AGBL4: variants seen among roughly 807,000 people sequenced by gnomAD.
AGBL4 encodes cytosolic carboxypeptidase 6.
A neutral mutation model predicts 66.4 loss-of-function variants in AGBL4; 58 were observed. That is an observed-to-expected ratio of 0.87 (90% CI 0.71 to 1.09). The LOEUF (loss-of-function observed/expected upper bound fraction) is 1.09. Among genes scored for constraint, AGBL4 ranks in the 50% least tolerant of loss-of-function variants. The pLI, the probability that AGBL4 is intolerant of heterozygous loss-of-function variation, is 0.00. For missense variants in AGBL4, 579 were observed against 631.0 expected (o/e 0.92, Z 0.88); for synonymous variants, 234 against 222.9 (o/e 1.05, Z -0.44).
At chr1:49,118,764 A>T (rs1228417330) in intron 4 of AGBL4, among the ~76,000 whole-genome samples, 2 of 152,156 alleles carry the variant, frequency 1.3e-5, no homozygotes, top group African/African-American at 4.8e-5. Flanking sequence ...ATAGTTTCAG[A>T]TGGAATGGTA....
chr1:48,653,666 A>T (rs1225461347), intron 7 of AGBL4, among the ~76,000 whole-genome samples: 2 of 152,190 alleles, frequency 1.3e-5, no homozygotes, highest in African/African-American at 2.4e-5. Flanking sequence ...AAGACGTAAC[A>T]TTGAAGCCCA....
intron 6 of AGBL4, among the ~76,000 whole-genome samples, chr1:48,665,150 A>C (rs887882164): frequency 8.5e-5 from 13 of 152,218 alleles, no homozygotes; most frequent in African/African-American, 3.1e-4. Context: ...AAAGGCAGCA[A>C]GAAATATCAT....
At chr1:49,493,016 A>C (rs1433628426) in intron 3 of AGBL4, among the ~76,000 whole-genome samples, 1 of 151,966 alleles carries the variant, frequency 6.6e-6, no homozygotes, top group African/African-American at 2.4e-5. Flanking sequence ...CAAGCAAAAG[A>C]GAAAAAGCCC....
At chr1:49,929,295 C>G (rs1474222019) in intron 1 of AGBL4, among the ~76,000 whole-genome samples, 1 of 151,302 alleles carries the variant, frequency 6.6e-6, no homozygotes, top group African/African-American at 2.4e-5. Context: ...ACACATGTAC[C>G]CCAAGAATAA....
intron 3 of AGBL4, among the ~76,000 whole-genome samples, chr1:49,593,356 G>A (rs1409168583): frequency 6.6e-5 from 10 of 151,586 alleles, no homozygotes; most frequent in Admixed American, 5.9e-4. Context: ...GCAGTGAGCC[G>A]AGATCACACC....
At chr1:49,701,413 T>C (rs1445294794) in intron 2 of AGBL4, among the ~76,000 whole-genome samples, 6 of 152,010 alleles carry the variant, frequency 3.9e-5, no homozygotes, top group African/African-American at 1.4e-4. Context: ...CTTTTGGAGG[T>C]AATGGATATA....
chr1:49,394,714 C>A (rs1309156423), intron 3 of AGBL4, among the ~76,000 whole-genome samples: 1 of 152,224 alleles, frequency 6.6e-6, no homozygotes, highest in African/African-American at 2.4e-5. Flanking sequence ...AACCTTCCCT[C>A]TGCTCCTGCA....
At chr1:48,987,934 C>T (rs565792162) in intron 5 of AGBL4, among the ~76,000 whole-genome samples, 2 of 152,212 alleles carry the variant, frequency 1.3e-5, no homozygotes, top group South Asian at 4.1e-4. Flanking sequence ...TTTTCTCATG[C>T]TGGGCACTCT....
At chr1:48,803,685 T>C (rs972684410) in intron 6 of AGBL4, among the ~76,000 whole-genome samples, 1 of 152,224 alleles carries the variant, frequency 6.6e-6, no homozygotes, top group East Asian at 1.9e-4. Flanking sequence ...TGCTTTGTCA[T>C]TAGACAAAAC....
At chr1:49,164,689 C>T (rs1327483711) in intron 4 of AGBL4, among the ~76,000 whole-genome samples, 1 of 152,088 alleles carries the variant, frequency 6.6e-6, no homozygotes, top group Non-Finnish European at 1.5e-5. Context: ...ACTTAACCTT[C>T]CTGGGATTTA....
intron 5 of AGBL4, among the ~76,000 whole-genome samples, chr1:48,996,351 G>A (rs764254216): frequency 6.6e-6 from 1 of 152,178 alleles, no homozygotes; most frequent in Non-Finnish European, 1.5e-5. Context: ...TGGAAAATGA[G>A]TATAGCTGGG....
At chr1:49,937,955 C>G (rs1654278802) in intron 1 of AGBL4, among the ~76,000 whole-genome samples, 1 of 152,182 alleles carries the variant, frequency 6.6e-6, no homozygotes, top group South Asian at 2.1e-4. Context: ...CAAGAGCAAA[C>G]ACATTCAAAT....
chr1:49,710,295 T>C (rs183591920), intron 2 of AGBL4, among the ~76,000 whole-genome samples: 8 of 152,312 alleles, frequency 5.3e-5, no homozygotes, highest in Non-Finnish European at 1.0e-4. Flanking sequence ...TGAAGGGACA[T>C]GTATGAAGCT....
At chr1:49,529,368 G>A (rs2148811542) in intron 3 of AGBL4, among the ~76,000 whole-genome samples, 1 of 152,168 alleles carries the variant, frequency 6.6e-6, no homozygotes, top group East Asian at 1.9e-4. Flanking sequence ...TAGAACAAAG[G>A]AGAAAGAGCA....
At chr1:49,789,806 T>C (rs1262052074) in intron 2 of AGBL4, among the ~76,000 whole-genome samples, 1 of 152,188 alleles carries the variant, frequency 6.6e-6, no homozygotes, top group Admixed American at 6.5e-5. Context: ...CCATTGACTT[T>C]CTTCACAGAA....
At chr1:49,140,520 G>A (rs1214552415) in intron 4 of AGBL4, among the ~76,000 whole-genome samples, 1 of 152,244 alleles carries the variant, frequency 6.6e-6, no homozygotes, top group Non-Finnish European at 1.5e-5. Flanking sequence ...GGACAGGCCA[G>A]CACAGAAGAA....
At chr1:48,612,461 C>T (rs1224061911) in intron 9 of AGBL4, among the ~76,000 whole-genome samples, 1 of 152,182 alleles carries the variant, frequency 6.6e-6, no homozygotes. Context: ...ATGAATGGTT[C>T]AGAATCCATT....
At chr1:49,916,212 C>A (rs960931287) in intron 1 of AGBL4, among the ~76,000 whole-genome samples, 3 of 152,182 alleles carry the variant, frequency 2.0e-5, no homozygotes, top group Non-Finnish European at 4.4e-5. Flanking sequence ...TCCTCGCCAG[C>A]AACGGAACAA....
chr1:49,400,886 G>T (rs1282836488), intron 3 of AGBL4, among the ~76,000 whole-genome samples: 1 of 152,076 alleles, frequency 6.6e-6, no homozygotes, highest in Non-Finnish European at 1.5e-5. Context: ...AGGACAATGT[G>T]TTCCAAATGT....
Sources: allele counts gnomAD v4.1 joint callset (sites outside exome capture counted in the v4.1 genomes callset), GRCh38; gene constraint gnomAD v4.1.1; transcripts MANE v1.5; gene names NCBI Gene and HGNC (gene_info 2026-07-23, HGNC 2026-07-21).